Variants in CREB3L3 observed in about 807,000 individuals in gnomAD.
CREB3L3 encodes the protein cyclic AMP-responsive element-binding protein 3-like protein 3.
Under a neutral mutation model 44.6 loss-of-function variants are expected in CREB3L3, and 40 were observed. That is an observed-to-expected ratio of 0.90 (90% CI 0.70 to 1.17). The LOEUF is 1.17. Ranked by LOEUF, CREB3L3 falls within the 50% of genes most tolerant of loss-of-function variation. The pLI is 0.00. For missense variants in CREB3L3, 578 were observed against 595.8 expected, an observed-to-expected ratio of 0.97 and a Z score of 0.31; for synonymous variants, 273 against 256.3, an observed-to-expected ratio of 1.06 and a Z score of -0.62.
intron 4 of CREB3L3, among the ~76,000 whole-genome samples, chr19:4,162,290 G>A (rs1361307630): frequency 2.6e-5 from 4 of 152,048 alleles, no homozygotes; most frequent in Non-Finnish European, 5.9e-5. Flanking sequence ...ACAGGCATGA[G>A]CCACTGTGCC....
chr19:4,172,020 G>A lies in CREB3L3; in HGVS notation c.*51G>A. On this transcript the variant is annotated 3_prime_UTR_variant, in exon 10 of 10. Coordinates refer to ENST00000078445, the MANE Select transcript of CREB3L3 (RefSeq NM_032607.3). ...CCCCTCTGCCCAGGGGTGCCTTGGG[G>A]ATGCTGCACTGGGCAGCTACCCACC... The A allele has an allele frequency of 6.7e-7, 1 of 1,502,816 alleles. No individual in the cohort carries two copies. Among genetic ancestry groups the A allele is most frequent in the Non-Finnish European group, 8.9e-7 (1 of 1,122,438 alleles). 93.1% of individuals were successfully genotyped at this position (1,502,816 alleles called of 1,614,324 possible).
chr19:4,154,468 C>T (rs1007117865), intron 1 of CREB3L3, among the ~76,000 whole-genome samples: 1 of 152,084 alleles, frequency 6.6e-6, no homozygotes, highest in Non-Finnish European at 1.5e-5. Flanking sequence ...CTCCTGGGTT[C>T]AAGGGATCCT....
chr19:4,164,971 A>G (rs1162451156), intron 5 of CREB3L3, among the ~76,000 whole-genome samples: 1 of 152,072 alleles, frequency 6.6e-6, no homozygotes, highest in Non-Finnish European at 1.5e-5. Context: ...GGTCTCCCAA[A>G]GTGCTGGGAT....
intron 2 of CREB3L3, among the ~76,000 whole-genome samples, chr19:4,156,064 TTCTC>T (rs1450641343): frequency 7.0e-6 from 1 of 142,188 alleles, no homozygotes; most frequent in African/African-American, 2.5e-5. Flanking sequence ...TTCTCTTTCT[TTCTC>T]TCTCTCTCTC....
intron 6 of CREB3L3, among the ~76,000 whole-genome samples, chr19:4,169,826 T>C (rs1967003944): frequency 6.6e-6 from 1 of 152,058 alleles, no homozygotes; most frequent in Non-Finnish European, 1.5e-5. Context: ...CTTGAACTCC[T>C]GACCTCAGGT....
intron 4 of CREB3L3, among the ~76,000 whole-genome samples, chr19:4,161,608 C>A (rs573476155): frequency 1.2e-4 from 16 of 133,790 alleles, no homozygotes; most frequent in Non-Finnish European, 2.2e-4. Flanking sequence ...GTTTGACAAC[C>A]CAAACCCATT....
At chr19:4,156,195 C>T (rs10424388) in intron 2 of CREB3L3, among the ~76,000 whole-genome samples, 5 of 132,922 alleles carry the variant, frequency 3.8e-5, no homozygotes, top group South Asian at 2.5e-4. Flanking sequence ...CTCTCTCTCT[C>T]TCTTTCTTAG....
rs1340820354 is a variant in CREB3L3 at position 4,171,860 on chromosome 19, G to A, written c.1277G>A (p.Arg426Lys). Residue 426 changes from arginine to lysine, a missense_variant, in exon 10 of 10, where the codon AGG becomes AAG. Arg to Lys is a conservative substitution (Grantham distance 26). Transcript: ENST00000078445. This position sits in a 1 kb window ranked among gnomAD's most constrained non-coding sequence, Gnocchi z 4.9. ...CTGGACAACGCCACCCTGGTCCTGA[G>A]GAATGCAACAGAGGGGCTGGGCCAG... is the stretch of plus-strand genomic sequence containing the variant. ...EELDNATLVL[R>K]NATEGLGQVA... 3 of 1,613,588 alleles carry A rather than the reference G, an allele frequency of 1.9e-6. No homozygotes were observed. The Admixed American group carries it at 5.0e-5, about 27-fold the overall frequency.
rs548714946 is a variant in CREB3L3 at position 4,159,744 on chromosome 19, G to A, written c.538G>A (p.Val180Met). The change falls in exon 4 of 10, where the codon GTG becomes ATG. Residue 180 changes from valine (V) to methionine (M), a missense_variant. Transcript: ENST00000078445. ...CCTGTCCCCACGATGCAATCTCACC[G>A]TGAAAGACCTCCTCCTTTCGGGCAG... ...VDLSPRCNLT[V>M]KDLLLSGSSG... 51 of 1,580,874 alleles carry A rather than the reference G, an allele frequency of 3.2e-5. No individual in the cohort carries two copies. Among genetic ancestry groups the A allele is most frequent in the Middle Eastern group, 1.7e-4 (1 of 5,960 alleles).
At position 4,172,184 on chromosome 19, in the gene CREB3L3, C is replaced by T. The variant is rs1356739159; in HGVS notation, c.*215C>T. The T allele has an allele frequency of 3.3e-6, 2 of 609,122 alleles. No homozygotes were observed. Among genetic ancestry groups the T allele is most frequent in the Non-Finnish European group, 5.8e-6 (2 of 346,702 alleles). 37.7% of individuals were successfully genotyped at this position (609,122 alleles called of 1,614,324 possible). A position where few individuals can be genotyped will look rare whatever the true frequency, so the allele number is the denominator to read the frequency against. ...ACACAAGGCAAAGAGGGCCACAGGA[C>T]CCGGGAAATACACACAGAGCCAGGA... On this transcript the variant is annotated 3_prime_UTR_variant, in exon 10 of 10. Transcript: ENST00000078445.
chr19:4,168,214 G>C, intron 5 of CREB3L3, 137 bp from the exon 6 acceptor site: 1 of 586,338 alleles, frequency 1.7e-6, no homozygotes, highest in Non-Finnish European at 3.2e-6. Context: ...GGCCAGGCTG[G>C]TCTCGAACTC....
intron 4 of CREB3L3, 181 bp from the exon 5 acceptor site, chr19:4,164,322 G>A (rs1030267432): frequency 1.5e-5 from 11 of 723,320 alleles, no homozygotes; most frequent in Non-Finnish European, 2.7e-5. Context: ...TACCCAGGCT[G>A]GTCTCGATCT....
rs766032919 is a variant in CREB3L3 at position 4,153,779 on chromosome 19, G to A, written c.27+5G>A. On this transcript the variant is annotated splice_donor_5th_base_variant and intron_variant, in intron 1 of 9. Transcript: ENST00000078445. The stretch of plus-strand genomic sequence containing the variant: ...ACGGATTTAGCTGCTGGAAAGGTGA[G>A]CCCTACTAGGTCCCCAGGGAGAGCG... 3 of 1,613,934 alleles carry A rather than the reference G, an allele frequency of 1.9e-6. No homozygotes were observed. Among genetic ancestry groups the A allele is most frequent in the Middle Eastern group, 1.6e-4 (1 of 6,084 alleles).
At chr19:4,162,334 T>C (rs540996419) in intron 4 of CREB3L3, among the ~76,000 whole-genome samples, 137 of 152,000 alleles carry the variant, frequency 9.0e-4, no homozygotes, top group Middle Eastern at 3.4e-3. Flanking sequence ...AGTCAAGGTT[T>C]CCCTCTGTCA....
At chr19:4,163,327 G>GA (rs776105566) in intron 4 of CREB3L3, among the ~76,000 whole-genome samples, 2 of 84,616 alleles carry the variant, frequency 2.4e-5, no homozygotes, top group African/African-American at 8.0e-5. Flanking sequence ...AAAGAAGAAA[G>GA]AAAAGAAAGA....
chr19:4,163,167 G>T (rs1167828439), intron 4 of CREB3L3, among the ~76,000 whole-genome samples: 1 of 151,796 alleles, frequency 6.6e-6, no homozygotes, highest in Non-Finnish European at 1.5e-5. Context: ...AATTAGCCGG[G>T]CGTGGTGGCG....
intron 6 of CREB3L3, among the ~76,000 whole-genome samples, chr19:4,169,658 C>A (rs1967000206): frequency 7.4e-6 from 1 of 135,148 alleles, no homozygotes; most frequent in African/African-American, 2.8e-5. Context: ...ATGGTGCGAT[C>A]TTGACTCACT....
At chr19:4,154,769 A>G in intron 1 of CREB3L3, 130 bp from the exon 2 acceptor site, 3 of 1,335,034 alleles carry the variant, frequency 2.2e-6, no homozygotes, top group Admixed American at 1.7e-5. Flanking sequence ...AGCGAGGGGC[A>G]GCAGCTGGCC....
intron 6 of CREB3L3, among the ~76,000 whole-genome samples, chr19:4,169,404 C>T (rs1451021947): frequency 1.3e-5 from 2 of 151,828 alleles, no homozygotes; most frequent in Non-Finnish European, 2.9e-5. Context: ...GGCGTGAACC[C>T]AGAAGGCAGA....
Sources: gnomAD v4.1 joint callset for allele counts (sites outside exome capture counted in the v4.1 genomes callset) on GRCh38, gnomAD v4.1.1 for gene constraint, Gnocchi (gnomAD v3.1) non-coding constraint, MANE v1.5 for transcripts, NCBI Gene and HGNC (gene_info 2026-07-23, HGNC 2026-07-21) for gene names.